Variants in PLCB1 observed in about 807,000 individuals in gnomAD.
PLCB1 encodes 1-phosphatidylinositol 4,5-bisphosphate phosphodiesterase beta-1.
Under a neutral mutation model 161.8 loss-of-function variants are expected in PLCB1, and 46 were observed. The observed-to-expected ratio is 0.28, with a 90% confidence interval of 0.22 to 0.36. The LOEUF (loss-of-function observed/expected upper bound fraction) is 0.36. PLCB1 is among the 10% of genes least tolerant of loss of function. The pLI, the probability that PLCB1 is intolerant of heterozygous loss-of-function variation, is 1.00. For missense variants in PLCB1, 1,016 were observed against 1,472.5 expected (o/e 0.69, Z 5.07); for synonymous variants, 517 against 503.7 (o/e 1.03, Z -0.35).
intron 3 of PLCB1, among the ~76,000 whole-genome samples, chr20:8,600,076 G>A (rs1318031042): frequency 7.3e-4 from 81 of 111,318 alleles, no homozygotes; most frequent in East Asian, 2.1e-3. Context: ...TAATTTGATC[G>A]TCTGAAGCCT....
At chr20:8,502,856 C>T (rs545457421) in intron 3 of PLCB1, among the ~76,000 whole-genome samples, 1 of 152,246 alleles carries the variant, frequency 6.6e-6, no homozygotes, top group Admixed American at 6.5e-5. Flanking sequence ...TTTTGTTTTA[C>T]TCCTGTGTCT....
At chr20:8,516,986 C>T (rs1055782279) in intron 3 of PLCB1, among the ~76,000 whole-genome samples, 27 of 151,888 alleles carry the variant, frequency 1.8e-4, no homozygotes, top group African/African-American at 6.3e-4. Context: ...TGGGTGTATG[C>T]CAGATTTCAC....
At chr20:8,343,610 T>C (rs1302668646) in intron 2 of PLCB1, among the ~76,000 whole-genome samples, 1 of 152,204 alleles carries the variant, frequency 6.6e-6, no homozygotes, top group Non-Finnish European at 1.5e-5. Context: ...CGATTCTCAA[T>C]GGATCATTTA....
intron 2 of PLCB1, among the ~76,000 whole-genome samples, chr20:8,234,166 G>A (rs577590111): frequency 6.6e-6 from 1 of 152,214 alleles, no homozygotes; most frequent in Non-Finnish European, 1.5e-5. Context: ...ATCAGCTCAC[G>A]AGCTGGTGAC....
intron 2 of PLCB1, among the ~76,000 whole-genome samples, chr20:8,341,988 T>C (rs1490266472): frequency 1.3e-5 from 2 of 151,968 alleles, no homozygotes; most frequent in South Asian, 2.1e-4. Flanking sequence ...ATATAAATCA[T>C]TGACAGAAAA....
At chr20:8,759,298 A>C (rs960868032) in intron 24 of PLCB1, among the ~76,000 whole-genome samples, 9 of 152,174 alleles carry the variant, frequency 5.9e-5, no homozygotes, top group African/African-American at 2.2e-4. Context: ...CACTGATGAT[A>C]TGGGATCACT....
chr20:8,377,777 A>G (rs1363841943), intron 3 of PLCB1, among the ~76,000 whole-genome samples: 10 of 152,140 alleles, frequency 6.6e-5, no homozygotes, highest in Admixed American at 6.5e-4. Context: ...GCATATTTAA[A>G]CAGAAAAAAA....
intron 2 of PLCB1, among the ~76,000 whole-genome samples, chr20:8,336,341 G>A (rs985006403): frequency 6.6e-6 from 1 of 152,060 alleles, no homozygotes; most frequent in Non-Finnish European, 1.5e-5. Flanking sequence ...TGGGATTATG[G>A]CCCATGTATT....
chr20:8,304,780 T>A (rs1309927017), intron 2 of PLCB1, among the ~76,000 whole-genome samples: 1 of 152,104 alleles, frequency 6.6e-6, no homozygotes, highest in Non-Finnish European at 1.5e-5. Context: ...AACAACTGTA[T>A]GAACTGGTTA....
chr20:8,232,243 GAGAGAGA>G (rs1342298556), intron 2 of PLCB1, among the ~76,000 whole-genome samples: 2 of 151,958 alleles, frequency 1.3e-5, no homozygotes, highest in African/African-American at 4.8e-5. Flanking sequence ...GAGAGAGAGA[GAGAGAGA>G]AAAGATCATG....
intron 31 of PLCB1, among the ~76,000 whole-genome samples, chr20:8,796,219 T>C (rs1171463407): frequency 6.6e-6 from 1 of 152,144 alleles, no homozygotes; most frequent in Non-Finnish European, 1.5e-5. Context: ...ACTGGCTCTT[T>C]TTTTTCCCTC....
At chr20:8,762,009 G>T (rs921993834) in intron 25 of PLCB1, among the ~76,000 whole-genome samples, 2 of 149,884 alleles carry the variant, frequency 1.3e-5, no homozygotes, top group African/African-American at 4.9e-5. Flanking sequence ...TCGGGAGTTC[G>T]AGACCAGCCT....
chr20:8,394,209 C>G (rs1987694351), intron 3 of PLCB1, among the ~76,000 whole-genome samples: 1 of 152,096 alleles, frequency 6.6e-6, no homozygotes, highest in South Asian at 2.1e-4. Flanking sequence ...CCACTCTTAA[C>G]TATTTCTAGA....
intron 24 of PLCB1, among the ~76,000 whole-genome samples, chr20:8,757,658 G>A (rs1005011586): frequency 1.2e-4 from 18 of 151,872 alleles, no homozygotes; most frequent in Non-Finnish European, 2.2e-4. Context: ...CCCATACCAG[G>A]CCCAAGAGTA....
At chr20:8,578,631 G>A (rs1986747692) in intron 3 of PLCB1, among the ~76,000 whole-genome samples, 1 of 152,194 alleles carries the variant, frequency 6.6e-6, no homozygotes, top group East Asian at 1.9e-4. Flanking sequence ...GGAATTCTTA[G>A]GGAAACAGCC....
intron 2 of PLCB1, among the ~76,000 whole-genome samples, chr20:8,248,381 G>C (rs757439151): frequency 1.3e-4 from 20 of 151,878 alleles, no homozygotes; most frequent in Non-Finnish European, 1.9e-4. Flanking sequence ...GGCTGCTACA[G>C]ATACTGCTGC....
chr20:8,149,571 G>T (rs995878640), intron 1 of PLCB1, among the ~76,000 whole-genome samples: 4 of 152,070 alleles, frequency 2.6e-5, no homozygotes, highest in Non-Finnish European at 5.9e-5. Flanking sequence ...TCCTGCAAAG[G>T]CCTGAGTGTT....
At position 8,765,182 on chromosome 20, in the gene PLCB1, G is replaced by A. The variant is rs765744325; in HGVS notation, c.2754G>A (p.Ser918=). Residue 918 remains serine, a synonymous_variant, in exon 26 of 32, where the codon TCG becomes TCA. Transcript: ENST00000338037. ...QTIEELKQQK[S]FVKLQKKHYK... ...TCGAAGAACTAAAGCAACAGAAATCGTTTGTGAAACTTCAAAAGAAACACT... is the reference window on the plus strand; with the variant it reads ...TCGAAGAACTAAAGCAACAGAAATCATTTGTGAAACTTCAAAAGAAACACT... The A allele has an allele frequency of 1.3e-5, 21 of 1,613,752 alleles. No individual in the cohort carries two copies. The highest frequency in any genetic ancestry group is 6.6e-5 in the South Asian group (6 of 91,034).
intron 31 of PLCB1, among the ~76,000 whole-genome samples, chr20:8,795,576 A>G (rs922133629): frequency 2.8e-4 from 42 of 152,156 alleles, no homozygotes; most frequent in African/African-American, 9.7e-4. Flanking sequence ...TATGAAATCC[A>G]TAGTGGTAGA....
Sources: allele counts gnomAD v4.1 joint callset (sites outside exome capture counted in the v4.1 genomes callset), GRCh38; gene constraint gnomAD v4.1.1; transcripts MANE v1.5; gene names NCBI Gene and HGNC (gene_info 2026-07-23, HGNC 2026-07-21).